CAPN6: variants seen among roughly 807,000 people sequenced by gnomAD.
CAPN6 encodes the protein calpain-6.
CAPN6 carries 16 observed loss-of-function variants against 46.0 expected under a neutral mutation model. The observed-to-expected ratio is 0.35, with a 90% CI of 0.24 to 0.53. The LOEUF (loss-of-function observed/expected upper bound fraction) is 0.53. Among genes scored for constraint, CAPN6 ranks in the 20% least tolerant of loss-of-function variants. The probability of loss-of-function intolerance (pLI) is 0.94; values close to 1 mark genes in which losing one functional copy is unlikely to be tolerated. For missense variants in CAPN6, 461 were observed against 498.0 expected (o/e 0.93, Z 0.71); for synonymous variants, 206 against 172.8 (o/e 1.19, Z -1.51).
Position 111,246,612 on chromosome X carries a change from T to G in CAPN6, c.1891A>C (p.Lys631Gln). Residue 631 changes from lysine to glutamine, a missense_variant, in exon 13 of 13, where the codon AAG becomes CAG. Coordinates refer to ENST00000324068, the MANE Select transcript of CAPN6 (RefSeq NM_014289.4). Reference sequence around the variant, plus strand: ...GTGAGATCATCGCTGGAAATAACCTTGAAGCTGATGTGGCCTTGCTTGACT... The same window carrying G: ...GTGAGATCATCGCTGGAAATAACCTGGAAGCTGATGTGGCCTTGCTTGACT... ...AKVKQGHISFKVISSDDLTEL is the reference protein window; with the variant it reads ...AKVKQGHISFQVISSDDLTEL 1 of 1,211,335 alleles carries G rather than the reference T, an allele frequency of 8.3e-7. No homozygotes were observed. Among genetic ancestry groups the G allele is most frequent in the South Asian group, 1.8e-5 (1 of 56,898 alleles).
At chrX:111,259,817 A>G (rs1444802462) in intron 2 of CAPN6, among the ~76,000 whole-genome samples, 1 of 111,635 alleles carries the variant, frequency 9.0e-6, no homozygotes, top group Non-Finnish European at 1.9e-5. Flanking sequence ...GTAGGTAGAT[A>G]TGAGTCAGTA....
chrX:111,268,726 C>G (rs2094993856), intron 1 of CAPN6, among the ~76,000 whole-genome samples: 1 of 112,619 alleles, frequency 8.9e-6, no homozygotes, highest in South Asian at 3.6e-4. Flanking sequence ...GTCTACTTTT[C>G]CAGCCTTTCA....
At chrX:111,251,134 A>T in intron 7 of CAPN6, 31 bp from the exon 8 acceptor site, 1 of 1,208,297 alleles carries the variant, frequency 8.3e-7, no homozygotes, top group Non-Finnish European at 1.1e-6. Context: ...AAAAAAATAA[A>T]GATGGTATTT....
chrX:111,266,830 C>A (rs1442026575), intron 1 of CAPN6, among the ~76,000 whole-genome samples: 2 of 112,693 alleles, frequency 1.8e-5, no homozygotes, highest in Non-Finnish European at 3.7e-5. Flanking sequence ...ATGAGGAAAT[C>A]CTCCAAAGCA....
At chrX:111,252,547 T>A (rs752385250) in intron 4 of CAPN6, 48 bp from the exon 5 acceptor site, 8 of 1,001,052 alleles carry the variant, frequency 8.0e-6, no homozygotes, top group Non-Finnish European at 6.9e-6. Context: ...TTTTTCCAGG[T>A]CAAGAACATC....
intron 2 of CAPN6, among the ~76,000 whole-genome samples, chrX:111,256,857 A>AC (rs1000741646): frequency 1.0e-5 from 1 of 96,197 alleles, no homozygotes; most frequent in Non-Finnish European, 2.1e-5. Flanking sequence ...CCCCCCCCCC[A>AC]CAACATTCCA....
chrX:111,250,875 T>C, intron 8 of CAPN6, 42 bp downstream of exon 8: 1 of 1,138,821 alleles, frequency 8.8e-7, no homozygotes, highest in African/African-American at 1.8e-5. Context: ...GAGTTCCTAT[T>C]GACTGGATAA....
intron 2 of CAPN6, among the ~76,000 whole-genome samples, chrX:111,259,516 TC>T: frequency 8.9e-6 from 1 of 112,159 alleles, no homozygotes; most frequent in East Asian, 2.8e-4. Flanking sequence ...TCTAATGTCT[TC>T]CCTTATCTGC....
rs189403027 is a variant in CAPN6 at position 111,249,030 on chromosome X, G to A, written c.1186C>T (p.His396Tyr). The A allele has an allele frequency of 8.3e-7, 1 of 1,211,283 alleles. No individual in the cohort carries two copies. The highest frequency in any genetic ancestry group is 1.1e-6 in the Non-Finnish European group (1 of 895,201). Residue 396 changes from histidine to tyrosine, a missense_variant, in exon 9 of 13, where the codon CAC (histidine) becomes TAC (tyrosine). Coordinates refer to ENST00000324068, the MANE Select transcript of CAPN6 (RefSeq NM_014289.4). Reference sequence around the variant, plus strand: ...TGCTGCAGTGACATAATGACCTTGTGCCCATCCTCAGGCACAGTGAAGATG... The same window carrying A: ...TGCTGCAGTGACATAATGACCTTGTACCCATCCTCAGGCACAGTGAAGATG... ...QYIFTVPEDG[H>Y]KVIMSLQQKD...
rs1399712905 is a variant in CAPN6 at position 111,246,443 on chromosome X, T to A, written c.*134A>T. On this transcript the variant is annotated 3_prime_UTR_variant, in exon 13 of 13. Transcript: ENST00000324068. ...ACTTGGATTGGGAGGTATGGGGAAT[T>A]TATCAGAAGAGAGGAAGAGTTAATT... 1 of 552,873 alleles carries A rather than the reference T, an allele frequency of 1.8e-6. No individual in the cohort carries two copies. The highest frequency in any genetic ancestry group is 2.9e-6 in the Non-Finnish European group (1 of 344,438). 45.6% of individuals were successfully genotyped at this position (552,873 alleles called of 1,213,427 possible).
chrX:111,265,565 C>T (rs780516059), intron 1 of CAPN6, among the ~76,000 whole-genome samples: 216 of 111,878 alleles, frequency 1.9e-3, no homozygotes, highest in Non-Finnish European at 3.6e-3. Context: ...TTTAGTTATG[C>T]AGCATCAGAG....
chrX:111,251,035 A>G lies in CAPN6; in HGVS notation c.1040T>C (p.Ile347Thr), dbSNP rs751929688. The G allele has an allele frequency of 1.7e-6, 2 of 1,211,662 alleles. No homozygotes were observed. The highest frequency in any genetic ancestry group is 1.8e-5 in the South Asian group (1 of 56,953). The change falls in exon 8 of 13, where the codon ATT becomes ACT. Residue 347 changes from isoleucine to threonine, a missense_variant. By Grantham distance (89) the Ile-to-Thr change is moderately conservative (BLOSUM62 -1). Coordinates refer to ENST00000324068, the MANE Select transcript of CAPN6 (RefSeq NM_014289.4). ...LNVCRNVNNPIFGRKELESVL... is the reference protein window; with the variant it reads ...LNVCRNVNNPTFGRKELESVL... ...CGATTCCAGCTCCTTTCGGCCAAAA[A>G]TAGGGTTGTTCACATTGCGGCAGAC...
intron 10 of CAPN6, among the ~76,000 whole-genome samples, chrX:111,248,201 T>A (rs1475169390): frequency 7.1e-5 from 8 of 112,034 alleles, no homozygotes; most frequent in Non-Finnish European, 1.3e-4. Flanking sequence ...TAGGCAGGGC[T>A]GGGACAAAAA....
At position 111,247,953 on chromosome X, in the gene CAPN6, G is replaced by T. The variant is rs776023291; in HGVS notation, c.1524C>A (p.Asn508Lys). The change falls in exon 11 of 13, where the codon AAC (asparagine) becomes AAA (lysine). Residue 508 changes from asparagine (N) to lysine (K), a missense_variant. Transcript: ENST00000324068. ...CTACTTTCGGGTAGCCACGAGCCAG[G>T]TTCCAGCAGGACATTTTGGGCATGT... ...TLDMPKMSCW[N>K]LARGYPKVVT... 2.5e-6 allele frequency: 3 copies of T among 1,208,721 alleles called. No homozygotes were observed. Among genetic ancestry groups the T allele is most frequent in the East Asian group, 3.0e-5 (1 of 33,757 alleles).
chrX:111,257,008 G>T (rs760440265), intron 2 of CAPN6, among the ~76,000 whole-genome samples: 1 of 111,106 alleles, frequency 9.0e-6, no homozygotes, highest in South Asian at 3.8e-4. Flanking sequence ...AGACTATCTA[G>T]TAAAGCCTAT....
chrX:111,267,101 G>A (rs985821140), intron 1 of CAPN6, among the ~76,000 whole-genome samples: 1 of 111,991 alleles, frequency 8.9e-6, no homozygotes, highest in Non-Finnish European at 1.9e-5. Flanking sequence ...GCACCCGATG[G>A]CGATGGGGAA....
chrX:111,269,550 T>C (rs1191089220), intron 1 of CAPN6, among the ~76,000 whole-genome samples: 1 of 111,806 alleles, frequency 8.9e-6, no homozygotes, highest in Non-Finnish European at 1.9e-5. Context: ...CAGTTCCAAA[T>C]CCTCAGAACC....
At chrX:111,263,070 T>A (rs981211506) in intron 2 of CAPN6, among the ~76,000 whole-genome samples, 1 of 112,420 alleles carries the variant, frequency 8.9e-6, no homozygotes, top group African/African-American at 3.2e-5. Flanking sequence ...GACAGGTAAC[T>A]CAGTAAAGAG....
chrX:111,252,250 T>C, intron 5 of CAPN6, 57 bp downstream of exon 5: 2 of 961,701 alleles, frequency 2.1e-6, no homozygotes, highest in South Asian at 2.7e-5. Flanking sequence ...CTACCAAACT[T>C]TGTAGTCTCT....
Sources: allele counts gnomAD v4.1 joint callset (sites outside exome capture counted in the v4.1 genomes callset), GRCh38; gene constraint gnomAD v4.1.1; transcripts MANE v1.5; gene names NCBI Gene and HGNC (gene_info 2026-07-23, HGNC 2026-07-21).